The following FRMPD4 variants were observed in gnomAD, a reference collection of about 807,000 sequenced individuals.
FRMPD4 encodes the protein FERM and PDZ domain containing 4.
Under a neutral mutation model 94.1 loss-of-function variants are expected in FRMPD4, and 22 were observed. That is an observed-to-expected ratio of 0.23 (90% confidence interval 0.17 to 0.33). The LOEUF is 0.33. FRMPD4 is among the 10% of genes least tolerant of loss of function. FRMPD4 has a pLI of 1.00. For synonymous variants in FRMPD4, 631 were observed against 548.6 expected, an observed-to-expected ratio of 1.15 and a Z score of -2.10; for missense variants, 1,111 against 1,339.9, an observed-to-expected ratio of 0.83 and a Z score of 2.67.
At chrX:12,387,583 C>T (rs773084960) in intron 1 of FRMPD4, among the ~76,000 whole-genome samples, 2 of 111,439 alleles carry the variant, frequency 1.8e-5, no homozygotes, top group Admixed American at 1.9e-4. Context: ...ATGAATTCAT[C>T]GTGGATCAAC....
At chrX:12,577,066 C>T (rs1052978225) in intron 2 of FRMPD4, among the ~76,000 whole-genome samples, 1 of 111,962 alleles carries the variant, frequency 8.9e-6, no homozygotes, top group Admixed American at 9.5e-5. Flanking sequence ...TTCATCATCC[C>T]ACAGTAGCAA....
chrX:11,863,588 T>C (rs1406746463), intron 1 of FRMPD4, among the ~76,000 whole-genome samples: 1 of 111,679 alleles, frequency 9.0e-6, no homozygotes, highest in Non-Finnish European at 1.9e-5. Flanking sequence ...TGACACATAT[T>C]ATTTTATAAT....
At chrX:12,495,737 T>A (rs1192407834) in intron 1 of FRMPD4, among the ~76,000 whole-genome samples, 1 of 108,002 alleles carries the variant, frequency 9.3e-6, no homozygotes, top group Non-Finnish European at 1.9e-5. Flanking sequence ...AAATAAAAAA[T>A]AATAATAATA....
At chrX:11,927,283 G>A (rs573542186) in intron 3 of FRMPD4, among the ~76,000 whole-genome samples, 2 of 112,067 alleles carry the variant, frequency 1.8e-5, no homozygotes, top group Non-Finnish European at 3.8e-5. Context: ...CTATGCTCAC[G>A]TATAGGAAGA....
chrX:12,072,843 C>T (rs1325040634), intron 3 of FRMPD4, among the ~76,000 whole-genome samples: 1 of 110,580 alleles, frequency 9.0e-6, no homozygotes, highest in Non-Finnish European at 1.9e-5. Flanking sequence ...TGAAGGTCCC[C>T]ATCCCGTTCC....
At chrX:12,561,679 G>C (rs1312381692) in intron 2 of FRMPD4, among the ~76,000 whole-genome samples, 2 of 112,267 alleles carry the variant, frequency 1.8e-5, no homozygotes, top group African/African-American at 6.5e-5. Context: ...GTTTGAATAA[G>C]GGATCGTTAC....
intron 1 of FRMPD4, among the ~76,000 whole-genome samples, chrX:12,337,543 G>A (rs867108079): frequency 8.9e-6 from 1 of 111,904 alleles, no homozygotes; most frequent in Non-Finnish European, 1.9e-5. Context: ...TAAGGAAATG[G>A]TCAGGGGCTG....
At chrX:12,214,413 A>G (rs1351115046) in intron 1 of FRMPD4, among the ~76,000 whole-genome samples, 1 of 112,336 alleles carries the variant, frequency 8.9e-6, no homozygotes, top group East Asian at 2.8e-4. Context: ...CTATCTGTAC[A>G]TTTTAAAAAA....
intron 1 of FRMPD4, among the ~76,000 whole-genome samples, chrX:12,357,018 T>C (rs939152227): frequency 1.8e-5 from 2 of 112,334 alleles, no homozygotes; most frequent in African/African-American, 6.5e-5. Context: ...ATAAAATTCT[T>C]CCAGAAAGCT....
At chrX:12,029,262 A>G (rs1256933588) in intron 3 of FRMPD4, among the ~76,000 whole-genome samples, 1 of 112,195 alleles carries the variant, frequency 8.9e-6, no homozygotes, top group Non-Finnish European at 1.9e-5. Flanking sequence ...CTTATTTGCC[A>G]TCTGTATATC....
intron 3 of FRMPD4, among the ~76,000 whole-genome samples, chrX:12,030,964 T>C (rs1043883929): frequency 1.9e-4 from 21 of 112,045 alleles, no homozygotes; most frequent in African/African-American, 6.8e-4. Context: ...TTATAAAATA[T>C]CTACCATAAT....
chrX:11,859,166 TA>T (rs2053670828), intron 1 of FRMPD4, among the ~76,000 whole-genome samples: 1 of 111,993 alleles, frequency 8.9e-6, no homozygotes, highest in African/African-American at 3.2e-5. Flanking sequence ...GACATTTATT[TA>T]ATTAAAAAAT....
At chrX:11,844,878 T>A in intron 1 of FRMPD4, among the ~76,000 whole-genome samples, 1 of 112,204 alleles carries the variant, frequency 8.9e-6, no homozygotes, top group Non-Finnish European at 1.9e-5. Context: ...GTGCACTCCG[T>A]TTATTATTCT....
chrX:12,145,572 T>A lies in FRMPD4; in HGVS notation c.41+6560T>A, dbSNP rs745849858. Among the ~76,000 whole-genome samples the A allele has an allele frequency of 1.0e-3, 113 of 113,101 alleles. 1 individual carries two copies. Among genetic ancestry groups the A allele is most frequent in the Middle Eastern group, 9.1e-3 (2 of 219 alleles). Reference sequence around the variant, plus strand: ...GCTGGCAAACTTAACCCATCTGATGTGTTTACTTATTTTAGAAAGCTTTAT... The same window carrying A: ...GCTGGCAAACTTAACCCATCTGATGAGTTTACTTATTTTAGAAAGCTTTAT... On this transcript the variant is annotated intron_variant, in intron 1 of 16. Transcript: ENST00000675598.
chrX:11,875,528 C>T (rs976617564), intron 2 of FRMPD4, among the ~76,000 whole-genome samples: 3 of 111,777 alleles, frequency 2.7e-5, no homozygotes, highest in Admixed American at 9.5e-5. Flanking sequence ...TGGAGCTCCC[C>T]GACTCCACCT....
At chrX:12,407,051 G>A (rs894616221) in intron 1 of FRMPD4, among the ~76,000 whole-genome samples, 2 of 110,391 alleles carry the variant, frequency 1.8e-5, no homozygotes, top group South Asian at 3.9e-4. Context: ...CCTCTGCTTC[G>A]ATCATCACAT....
At chrX:11,850,101 T>TA (rs1343536802) in intron 1 of FRMPD4, among the ~76,000 whole-genome samples, 1 of 111,613 alleles carries the variant, frequency 9.0e-6, no homozygotes, top group Admixed American at 9.5e-5. Flanking sequence ...ATAACCTGAC[T>TA]AAAAAATGGG....
chrX:12,696,442 C>T (rs1208346789), intron 9 of FRMPD4, among the ~76,000 whole-genome samples: 2 of 110,284 alleles, frequency 1.8e-5, no homozygotes, highest in African/African-American at 6.6e-5. Context: ...CCAATATAAT[C>T]ACATTAAACA....
At chrX:12,139,115 G>A in intron 1 of FRMPD4, 103 bp downstream of exon 1, 1 of 664,772 alleles carries the variant, frequency 1.5e-6, no homozygotes, top group Non-Finnish European at 2.2e-6. Flanking sequence ...TGGAAAGCGC[G>A]ACGGGGCTTA....
Sources: allele counts gnomAD v4.1 joint callset (sites outside exome capture counted in the v4.1 genomes callset), GRCh38; gene constraint gnomAD v4.1.1; transcripts MANE v1.5; gene names NCBI Gene and HGNC (gene_info 2026-07-23, HGNC 2026-07-21).